SH3GLB1: variants seen among roughly 807,000 people sequenced by gnomAD.
The protein encoded by SH3GLB1 is endophilin-B1.
In SH3GLB1, 17 loss-of-function variants were observed where a neutral mutation model predicts 42.0. That is an observed-to-expected ratio of 0.40 (90% CI 0.28 to 0.61). The LOEUF is 0.61. SH3GLB1 is among the 20% of genes least tolerant of loss of function. The pLI is 0.36. For missense variants in SH3GLB1, 355 were observed against 426.3 expected (o/e 0.83, Z 1.47); for synonymous variants, 132 against 146.6 (o/e 0.90, Z 0.72).
chr1:86,705,168 C>T (rs527838082), intron 1 of SH3GLB1, among the ~76,000 whole-genome samples, 197 bp downstream of exon 1: 1 of 152,188 alleles, frequency 6.6e-6, no homozygotes, highest in East Asian at 1.9e-4. Flanking sequence ...GCCCAACCGC[C>T]GCTCCCTGGG....
At chr1:86,725,105 A>G (rs1655126528) in intron 5 of SH3GLB1, among the ~76,000 whole-genome samples, 1 of 150,658 alleles carries the variant, frequency 6.6e-6, no homozygotes, top group South Asian at 2.1e-4. Context: ...GGTCGCAAAT[A>G]TTTTTGGAGA....
intron 2 of SH3GLB1, 82 bp downstream of exon 2, chr1:86,715,947 T>A: frequency 7.1e-7 from 1 of 1,417,672 alleles, no homozygotes; most frequent in Non-Finnish European, 9.5e-7. Flanking sequence ...AATGGCCATC[T>A]GAAAACATAG....
chr1:86,733,128 G>C lies in SH3GLB1; in HGVS notation c.571-1474G>C, dbSNP rs1254599101. On this transcript the variant is annotated intron_variant, in intron 5 of 8. Coordinates refer to ENST00000370558, the MANE Select transcript of SH3GLB1 (RefSeq NM_016009.5). ...TGGGACTTTTTTCTACTTCATACCA[G>C]CTTCCAGATGAAGCTTACTTTGTCC... Among the ~76,000 whole-genome samples, 3 of 152,058 alleles carry C rather than the reference G, an allele frequency of 2.0e-5. No individual in the cohort carries two copies. In the East Asian group the frequency reaches 5.8e-4, roughly 29 times the overall value.
At chr1:86,710,463 C>T (rs1654144039) in intron 1 of SH3GLB1, among the ~76,000 whole-genome samples, 1 of 152,116 alleles carries the variant, frequency 6.6e-6, no homozygotes, top group Admixed American at 6.5e-5. Context: ...CGGGGTTTCA[C>T]CATGTTGGCC....
chr1:86,743,010 A>G (rs908253468), intron 8 of SH3GLB1, 118 bp from the exon 9 acceptor site: 17 of 769,464 alleles, frequency 2.2e-5, no homozygotes, highest in Admixed American at 1.1e-4. Flanking sequence ...CACAATTGAT[A>G]ATAACGTTTA....
At chr1:86,742,583 T>G in intron 8 of SH3GLB1, 147 bp downstream of exon 8, 1 of 525,560 alleles carries the variant, frequency 1.9e-6, no homozygotes, top group East Asian at 3.3e-5. Flanking sequence ...TTAATTAATA[T>G]TCTTTAATAG....
At chr1:86,730,487 A>C (rs766502054) in intron 5 of SH3GLB1, 49 of 647,798 alleles carry the variant, frequency 7.6e-5, no homozygotes, top group Non-Finnish European at 9.4e-5. Context: ...GGGATATATA[A>C]TATTTCGCAC....
rs766871308 is a variant in SH3GLB1 at position 86,725,049 on chromosome 1, AATT to A, written c.570+647_570+649del. On this transcript the variant is annotated intron_variant, in intron 5 of 8. Coordinates refer to ENST00000370558, the MANE Select transcript of SH3GLB1 (RefSeq NM_016009.5). ...TATATAGCTGCTGCTAAAAAACAAA[AATT>A]ATGGTAGCTCCTAATGTGTCATTTT... Among the ~76,000 whole-genome samples, 34 of 149,916 alleles carry A rather than the reference AATT, an allele frequency of 2.3e-4. 1 individual carries two copies. Among genetic ancestry groups the A allele is most frequent in the Non-Finnish European group, 4.4e-4 (30 of 67,584 alleles).
chr1:86,732,896 A>C (rs1367250396), intron 5 of SH3GLB1, among the ~76,000 whole-genome samples: 1 of 152,110 alleles, frequency 6.6e-6, no homozygotes, highest in East Asian at 1.9e-4. Context: ...ATTAAATTAA[A>C]CCGTACTTTG....
intron 5 of SH3GLB1, among the ~76,000 whole-genome samples, chr1:86,731,448 C>G (rs752063583): frequency 7.2e-5 from 11 of 152,114 alleles, no homozygotes; most frequent in South Asian, 6.2e-4. Flanking sequence ...TCTTATCCCC[C>G]CTTTGTGAGT....
chr1:86,741,860 T>G (rs1656072731), intron 7 of SH3GLB1, among the ~76,000 whole-genome samples: 1 of 152,188 alleles, frequency 6.6e-6, no homozygotes, highest in South Asian at 2.1e-4. Flanking sequence ...AAGTAGTTTT[T>G]CATCAATATT....
intron 2 of SH3GLB1, among the ~76,000 whole-genome samples, chr1:86,717,462 C>A (rs1026444360): frequency 1.3e-5 from 2 of 152,096 alleles, no homozygotes; most frequent in Non-Finnish European, 2.9e-5. Context: ...CTGTGTCACC[C>A]AGGCTGGAGT....
At chr1:86,740,849 C>T (rs547464786) in intron 7 of SH3GLB1, among the ~76,000 whole-genome samples, 31 of 151,900 alleles carry the variant, frequency 2.0e-4, no homozygotes, top group African/African-American at 7.0e-4. Flanking sequence ...ATAAAATCTT[C>T]TAGAAATGAA....
intron 3 of SH3GLB1, among the ~76,000 whole-genome samples, chr1:86,720,105 G>A (rs1036516885): frequency 1.3e-5 from 2 of 150,438 alleles, no homozygotes; most frequent in Admixed American, 6.6e-5. Context: ...ACAGTTAAAT[G>A]TAATATTTAA....
intron 6 of SH3GLB1, 64 bp downstream of exon 6, chr1:86,734,755 G>A: frequency 7.9e-7 from 1 of 1,272,340 alleles, no homozygotes; most frequent in East Asian, 2.4e-5. Context: ...GGCAATTTTG[G>A]GAGGAAAAAC....
rs564942960 is a variant in SH3GLB1, at chr1:86,715,671, T to C, written c.73-53T>C. ...TTTGCTTTTTACTTATTGATATGGT[T>C]CCCTAAAATTTATTTGCAGTATATT... On this transcript the variant is annotated intron_variant, in intron 1 of 8. Transcript: ENST00000370558. 590 of 1,526,548 alleles carry C rather than the reference T, an allele frequency of 3.9e-4. 1 individual carries two copies. Among genetic ancestry groups the C allele is most frequent in the Non-Finnish European group, 4.8e-4 (541 of 1,138,382 alleles). 94.6% of individuals were successfully genotyped at this position (1,526,548 alleles called of 1,614,324 possible).
chr1:86,722,633 C>T lies in SH3GLB1; in HGVS notation c.437C>T (p.Pro146Leu), dbSNP rs1164018187. 1 of 1,607,908 alleles carries T rather than the reference C, an allele frequency of 6.2e-7. No individual in the cohort carries two copies. Among genetic ancestry groups the T allele is most frequent in the Admixed American group, 1.7e-5 (1 of 59,300 alleles). The stretch of plus-strand genomic sequence containing the variant: ...ACGTCAGCCTTAAATTTTCTTACTC[C>T]TTTAAGAAACTTTATAGAAGGAGAT... The part of the protein sequence containing the change: ...IQTSALNFLT[P>L]LRNFIEGDYK... The change falls in exon 4 of 9, where the codon CCT becomes CTT. Residue 146 changes from proline (P) to leucine (L), a missense_variant. Pro to Leu is a moderately conservative substitution (Grantham distance 98). Coordinates refer to ENST00000370558, the MANE Select transcript of SH3GLB1 (RefSeq NM_016009.5).
intron 1 of SH3GLB1, among the ~76,000 whole-genome samples, chr1:86,705,603 C>T (rs1653815482): frequency 6.6e-6 from 1 of 152,120 alleles, no homozygotes; most frequent in African/African-American, 2.4e-5. Flanking sequence ...ATGGGAAGCA[C>T]CAGCTGTAGA....
intron 2 of SH3GLB1, among the ~76,000 whole-genome samples, chr1:86,717,830 T>C (rs1006328798): frequency 2.0e-5 from 3 of 152,238 alleles, no homozygotes; most frequent in Admixed American, 2.0e-4. Context: ...AATGGGTTTT[T>C]CAAAAATACG....
Sources: allele counts gnomAD v4.1 joint callset (sites outside exome capture counted in the v4.1 genomes callset), GRCh38; gene constraint gnomAD v4.1.1; transcripts MANE v1.5; gene names NCBI Gene and HGNC (gene_info 2026-07-23, HGNC 2026-07-21).